GART: variants seen among roughly 807,000 people sequenced by gnomAD.
GART encodes phosphoribosylglycinamide formyltransferase, phosphoribosylglycinamide synthetase, phosphoribosylaminoimidazole synthetase.
In GART, 43 loss-of-function variants were observed where a neutral mutation model predicts 107.2. The observed-to-expected ratio is 0.40, with a 90% CI of 0.31 to 0.52. The LOEUF (loss-of-function observed/expected upper bound fraction) is 0.52, where lower values mean the gene tolerates loss of function less well. Ranked by LOEUF, GART falls within the 20% of genes least tolerant of loss-of-function variation. The pLI is 0.52. For missense variants in GART, 1,107 were observed against 1,206.5 expected (o/e 0.92, Z 1.22); for synonymous variants, 434 against 427.0 (o/e 1.02, Z -0.20).
Position 33,528,925 on chromosome 21 carries a change from G to C in GART, c.736C>G (p.Leu246Val), listed in dbSNP as rs201437866. The C allele has an allele frequency of 1.2e-6, 2 of 1,610,498 alleles. No individual in the cohort carries two copies. The highest frequency in any genetic ancestry group is 1.7e-6 in the Non-Finnish European group (2 of 1,176,836). The change falls in exon 8 of 22, where the codon CTA (leucine) becomes GTA (valine). Residue 246 changes from leucine (L) to valine (V), a missense_variant. Physicochemically the swap from Leu to Val is conservative, Grantham distance 32 (BLOSUM62 1). Transcript: ENST00000381815. ...ACAGTATCTTTAATTTTTAGTAATA[G>C]ATCATTAGAAACCTGGAGAACGTGC... The part of the protein sequence containing the change: ...YCPAPQVSND[L>V]LLKIKDTVLQ...
chr21:33,506,119 A>G lies in GART; in HGVS notation c.2453-15T>C. ...CAGGTTCGATCCTGAGAAGGGAGAA[A>G]AACAGCAGTGAGCTCATACTACTAC... On this transcript the variant is annotated splice_polypyrimidine_tract_variant and intron_variant, in intron 18 of 21. Coordinates refer to ENST00000381815, the MANE Select transcript of GART (RefSeq NM_000819.5). 1 of 1,610,762 alleles carries G rather than the reference A, an allele frequency of 6.2e-7. No homozygotes were observed. The highest frequency in any genetic ancestry group is 8.5e-7 in the Non-Finnish European group (1 of 1,178,928).
At chr21:33,508,737 G>C (rs1338635199) in intron 18 of GART, among the ~76,000 whole-genome samples, 1 of 151,814 alleles carries the variant, frequency 6.6e-6, no homozygotes, top group Non-Finnish European at 1.5e-5. Flanking sequence ...GGATGGTCTC[G>C]ATCTCTTGAC....
chr21:33,534,890 A>C, intron 3 of GART, 137 bp from the exon 4 acceptor site: 1 of 679,740 alleles, frequency 1.5e-6, no homozygotes, highest in East Asian at 3.1e-5. Context: ...TAACTTTTTC[A>C]TGTTGTCTAC....
At chr21:33,530,737 C>T (rs777971038) in intron 7 of GART, 22 bp downstream of exon 7, 11 of 1,412,266 alleles carry the variant, frequency 7.8e-6, no homozygotes, top group Admixed American at 5.7e-5. Context: ...TACAAGACTT[C>T]AGCAGAGTCT....
At chr21:33,515,652 C>CAAAAAAAAAAAAAAAAAAAAAAAAAAGA (rs71194850) in intron 16 of GART, among the ~76,000 whole-genome samples, 1 of 35,878 alleles carries the variant, frequency 2.8e-5, no homozygotes, top group Non-Finnish European at 4.8e-5. Flanking sequence ...GACTCCAACT[C>CAAAAAAAAAAAAAAAAAAAAAAAAAAGA]AAAAAAAAAA....
At chr21:33,514,059 G>A (rs1287745093) in intron 16 of GART, among the ~76,000 whole-genome samples, 1 of 152,120 alleles carries the variant, frequency 6.6e-6, no homozygotes, top group African/African-American at 2.4e-5. Flanking sequence ...CTGAGCCAAG[G>A]AGTTTAAGAT....
chr21:33,520,633 C>T (rs1263732161), intron 13 of GART, 71 bp from the exon 14 acceptor site: 3 of 1,325,600 alleles, frequency 2.3e-6, no homozygotes, highest in Non-Finnish European at 3.2e-6. Flanking sequence ...ATTTGATTAG[C>T]TGCTCTTAAC....
chr21:33,537,948 A>G (rs1391154759), intron 2 of GART, among the ~76,000 whole-genome samples: 1 of 151,976 alleles, frequency 6.6e-6, no homozygotes, highest in African/African-American at 2.4e-5. Flanking sequence ...GCCAATTGAG[A>G]GATAAGGGTG....
chr21:33,514,911 T>C (rs2084848717), intron 16 of GART, among the ~76,000 whole-genome samples: 4 of 152,164 alleles, frequency 2.6e-5, no homozygotes, highest in Admixed American at 2.6e-4. Context: ...CCTCTGACTC[T>C]TCAGTTCTCT....
At chr21:33,538,270 A>C (rs1453008888) in intron 2 of GART, among the ~76,000 whole-genome samples, 2 of 147,918 alleles carry the variant, frequency 1.4e-5, no homozygotes, top group East Asian at 4.0e-4. Flanking sequence ...AAAGTCAGAG[A>C]GAGATAAGGG....
intron 2 of GART, among the ~76,000 whole-genome samples, chr21:33,536,189 G>A (rs971607211): frequency 2.6e-5 from 4 of 152,164 alleles, no homozygotes; most frequent in African/African-American, 9.7e-5. Context: ...AGGCTATTTT[G>A]GGTTGGGTCA....
At chr21:33,504,960 C>T (rs1302383369) in intron 20 of GART, among the ~76,000 whole-genome samples, 1 of 152,220 alleles carries the variant, frequency 6.6e-6, no homozygotes, top group Non-Finnish European at 1.5e-5. Context: ...TTTTATATCA[C>T]ACCACAAGTG....
At chr21:33,537,071 C>T (rs2085320230) in intron 2 of GART, among the ~76,000 whole-genome samples, 1 of 152,118 alleles carries the variant, frequency 6.6e-6, no homozygotes, top group African/African-American at 2.4e-5. Context: ...GTTCTGAACA[C>T]AACTAGGCTG....
chr21:33,537,307 T>C (rs891948476), intron 2 of GART, among the ~76,000 whole-genome samples: 4 of 152,224 alleles, frequency 2.6e-5, no homozygotes, highest in Non-Finnish European at 4.4e-5. Context: ...ATTTGTATTA[T>C]TCCTTTTGGT....
rs762073256 is a variant in GART at position 33,504,216 on chromosome 21, G to A, written c.2941C>T (p.His981Tyr). Residue 981 changes from histidine (H) to tyrosine (Y), a missense_variant, in exon 22 of 22, where the codon CAT becomes TAT. Transcript: ENST00000381815. The stretch of plus-strand genomic sequence containing the variant: ...TGAAGGGCTGCAGGAAATATTTTAT[G>A]TTCTGCTAATTTTACTCTTTCAGAA... ...TLSERVKLAE[H>Y]KIFPAALQLV... 22 of 1,614,008 alleles carry A rather than the reference G, an allele frequency of 1.4e-5. No individual in the cohort carries two copies. Among genetic ancestry groups the A allele is most frequent in the African/African-American group, 1.1e-4 (8 of 74,926 alleles).
At chr21:33,524,320 C>T (rs2085027639) in intron 11 of GART, 3 of 938,506 alleles carry the variant, frequency 3.2e-6, no homozygotes, top group Non-Finnish European at 3.8e-6. Flanking sequence ...GAGGCCAAAG[C>T]AGGAGGATCA....
chr21:33,525,084 CTTTTTT>C (rs35083461), intron 10 of GART, 84 bp from the exon 11 acceptor site: 12 of 1,364,894 alleles, frequency 8.8e-6, no homozygotes, highest in African/African-American at 4.6e-5. Context: ...CCACAAGTTT[CTTTTTT>C]TTTTTTTTTA....
intron 11 of GART, among the ~76,000 whole-genome samples, chr21:33,523,664 T>C (rs923434663): frequency 6.6e-6 from 1 of 152,042 alleles, no homozygotes; most frequent in Non-Finnish European, 1.5e-5. Flanking sequence ...ATAGCAAATG[T>C]GATATATTTT....
At chr21:33,531,425 G>T in intron 6 of GART, 64 bp downstream of exon 6, 1 of 1,393,828 alleles carries the variant, frequency 7.2e-7, no homozygotes, top group Non-Finnish European at 1.0e-6. Flanking sequence ...GTCTTTTCTG[G>T]GGTACACAGG....
Sources: gnomAD v4.1 joint callset for allele counts (sites outside exome capture counted in the v4.1 genomes callset) on GRCh38, gnomAD v4.1.1 for gene constraint, MANE v1.5 for transcripts, NCBI Gene and HGNC (gene_info 2026-07-23, HGNC 2026-07-21) for gene names.